The following CHCHD3 variants were observed in gnomAD, a reference collection of about 807,000 sequenced individuals.
CHCHD3 encodes MICOS complex subunit MIC19.
A neutral mutation model predicts 38.2 loss-of-function variants in CHCHD3; 20 were observed. The ratio of observed to expected loss-of-function variants is 0.52; its 90% CI spans 0.37 to 0.76. The LOEUF is 0.76. CHCHD3 is among the 30% of genes least tolerant of loss of function. CHCHD3 has a pLI of 0.00. For synonymous variants in CHCHD3, 82 were observed against 100.0 expected (o/e 0.82, Z 1.07); for missense variants, 245 against 279.2 (o/e 0.88, Z 0.87).
chr7:132,796,661 G>T lies in CHCHD3; in HGVS notation c.525-84C>A. On this transcript the variant is annotated intron_variant, in intron 6 of 7. Transcript: ENST00000262570. ...GGTTAAAGAACACATAAAACGCACA[G>T]TAAGACACAGATGTTGCAAATGTAG... 3.4e-6 allele frequency: 4 copies of T among 1,189,794 alleles called. No homozygotes were observed. The South Asian group carries it at 6.5e-5, about 19-fold the overall frequency. 73.7% of individuals were successfully genotyped at this position (1,189,794 alleles called of 1,614,324 possible). A position where few individuals can be genotyped will look rare whatever the true frequency, so the allele number is the denominator to read the frequency against.
intron 6 of CHCHD3, among the ~76,000 whole-genome samples, chr7:132,820,565 T>C (rs1279035830): frequency 6.6e-6 from 1 of 151,632 alleles, no homozygotes; most frequent in Non-Finnish European, 1.5e-5. Flanking sequence ...ATCCAGAATG[T>C]AGTTTAAACA....
chr7:132,909,322 C>T lies in CHCHD3; in HGVS notation c.370-23577G>A, dbSNP rs1809882323. Among the ~76,000 whole-genome samples the T allele has an allele frequency of 2.0e-5, 3 of 151,976 alleles. No individual in the cohort carries two copies. In the South Asian group the frequency reaches 6.2e-4, roughly 32 times the overall value. On this transcript the variant is annotated intron_variant, in intron 4 of 7. Coordinates refer to ENST00000262570, the MANE Select transcript of CHCHD3 (RefSeq NM_017812.4). Reference sequence around the variant, plus strand: ...CAGTCTGGCCAACATGGTGAAACCCCGTCTCTAATAAAAACACAAAAATTA... The same window carrying T: ...CAGTCTGGCCAACATGGTGAAACCCTGTCTCTAATAAAAACACAAAAATTA...
At chr7:132,927,155 C>T (rs578250257) in intron 4 of CHCHD3, among the ~76,000 whole-genome samples, 2 of 152,182 alleles carry the variant, frequency 1.3e-5, no homozygotes, top group Non-Finnish European at 2.9e-5. Flanking sequence ...GTAACAAGCC[C>T]ATACAATACA....
chr7:132,857,214 A>G (rs1808362823), intron 5 of CHCHD3, among the ~76,000 whole-genome samples: 1 of 152,232 alleles, frequency 6.6e-6, no homozygotes, highest in African/African-American at 2.4e-5. Context: ...AGGAGCTAGG[A>G]AGAGAGGCTG....
At chr7:132,932,490 G>A (rs1810537067) in intron 4 of CHCHD3, among the ~76,000 whole-genome samples, 1 of 152,184 alleles carries the variant, frequency 6.6e-6, no homozygotes, top group South Asian at 2.1e-4. Flanking sequence ...TCTTTACCCT[G>A]GAAGGCACTG....
At chr7:132,884,853 TCTC>T (rs1250476007) in intron 5 of CHCHD3, among the ~76,000 whole-genome samples, 1 of 152,208 alleles carries the variant, frequency 6.6e-6, no homozygotes, top group African/African-American at 2.4e-5. Flanking sequence ...CTCTTTTCCT[TCTC>T]CTAACTCATG....
At chr7:132,852,632 C>T (rs979028453) in intron 5 of CHCHD3, among the ~76,000 whole-genome samples, 17 of 152,150 alleles carry the variant, frequency 1.1e-4, no homozygotes, top group African/African-American at 4.1e-4. Context: ...AGTTATTACC[C>T]TTCAGCTAAT....
At chr7:132,887,648 A>AGTAAT (rs1554382413) in intron 4 of CHCHD3, among the ~76,000 whole-genome samples, 1 of 151,370 alleles carries the variant, frequency 6.6e-6, no homozygotes, top group African/African-American at 2.4e-5. Flanking sequence ...AATATACACA[A>AGTAAT]ATAAACTAGA....
At chr7:132,908,153 G>A (rs1332478695) in intron 4 of CHCHD3, among the ~76,000 whole-genome samples, 4 of 152,168 alleles carry the variant, frequency 2.6e-5, no homozygotes, top group Non-Finnish European at 1.5e-5. Flanking sequence ...AAATCATTAT[G>A]AGGTATTAGG....
chr7:132,904,621 G>A lies in CHCHD3; in HGVS notation c.370-18876C>T, dbSNP rs1809751126. On this transcript the variant is annotated intron_variant, in intron 4 of 7. Transcript: ENST00000262570. The stretch of plus-strand genomic sequence containing the variant: ...TGCTGGAGAGGATGTGGAGAAATAG[G>A]AACACTTTTACACTGTTGGTGGGAC... 3.3e-5 allele frequency among the ~76,000 whole-genome samples: 5 copies of A among 152,282 alleles called. No individual in the cohort carries two copies. The South Asian group carries it at 1.0e-3, about 32-fold the overall frequency.
chr7:132,856,172 T>C (rs563984849), intron 5 of CHCHD3, among the ~76,000 whole-genome samples: 2 of 152,338 alleles, frequency 1.3e-5, no homozygotes, highest in East Asian at 3.9e-4. Flanking sequence ...CCATCTCATT[T>C]ACTGTGTATT....
chr7:133,010,867 C>G (rs538808912), intron 3 of CHCHD3, among the ~76,000 whole-genome samples: 1 of 152,044 alleles, frequency 6.6e-6, no homozygotes, highest in Non-Finnish European at 1.5e-5. Context: ...GCATGCCCAG[C>G]CCTCATAAAC....
intron 3 of CHCHD3, among the ~76,000 whole-genome samples, chr7:133,007,889 TTC>T (rs1812743387): frequency 6.6e-6 from 1 of 152,194 alleles, no homozygotes; most frequent in Admixed American, 6.5e-5. Context: ...AGCATCCTAT[TTC>T]TCCCCAAGCC....
At chr7:133,008,549 T>C (rs1812768328) in intron 3 of CHCHD3, among the ~76,000 whole-genome samples, 4 of 152,098 alleles carry the variant, frequency 2.6e-5, no homozygotes. Context: ...TCATAACATC[T>C]CAAAGTCTTA....
At chr7:132,884,231 A>G (rs930092653) in intron 5 of CHCHD3, among the ~76,000 whole-genome samples, 2 of 151,882 alleles carry the variant, frequency 1.3e-5, no homozygotes, top group African/African-American at 4.8e-5. Context: ...TTGCTTCCCT[A>G]TTACCATAGG....
intron 2 of CHCHD3, among the ~76,000 whole-genome samples, chr7:133,024,972 G>A (rs1469839309): frequency 6.6e-6 from 1 of 152,090 alleles, no homozygotes; most frequent in Non-Finnish European, 1.5e-5. Flanking sequence ...GTAAGGAGAG[G>A]AGACGCTGTA....
intron 5 of CHCHD3, among the ~76,000 whole-genome samples, chr7:132,871,230 T>C (rs1056637199): frequency 6.6e-6 from 1 of 152,226 alleles, no homozygotes; most frequent in Non-Finnish European, 1.5e-5. Context: ...AATATACTTT[T>C]GTCTTTCTGG....
At chr7:132,895,276 T>C (rs1288138194) in intron 4 of CHCHD3, among the ~76,000 whole-genome samples, 1 of 152,220 alleles carries the variant, frequency 6.6e-6, no homozygotes, top group Non-Finnish European at 1.5e-5. Context: ...AAGATTCTCA[T>C]CCTTGGCACT....
chr7:133,081,101 TA>T (rs912490510), intron 1 of CHCHD3, among the ~76,000 whole-genome samples: 1 of 150,526 alleles, frequency 6.6e-6, no homozygotes, highest in Admixed American at 6.6e-5. Flanking sequence ...CAAAGGGCAT[TA>T]AAAAAAAAGT....
Sources: allele counts gnomAD v4.1 joint callset (sites outside exome capture counted in the v4.1 genomes callset), GRCh38; gene constraint gnomAD v4.1.1; transcripts MANE v1.5; gene names NCBI Gene and HGNC (gene_info 2026-07-23, HGNC 2026-07-21).